Variants in DEUP1 observed in about 807,000 individuals in gnomAD.
DEUP1 encodes deuterosome assembly protein 1.
In DEUP1, 82 loss-of-function variants were observed where a neutral mutation model predicts 87.4. That is an observed-to-expected ratio of 0.94 (90% CI 0.78 to 1.13). DEUP1 has a LOEUF of 1.13. DEUP1 is among the 50% of genes most tolerant of loss of function. The pLI is 0.00. For synonymous variants in DEUP1, 214 were observed against 222.7 expected (o/e 0.96, Z 0.35); for missense variants, 663 against 681.5 (o/e 0.97, Z 0.30).
At chr11:93,361,465 T>A (rs922415597) in intron 4 of DEUP1, among the ~76,000 whole-genome samples, 1 of 152,196 alleles carries the variant, frequency 6.6e-6, no homozygotes. Flanking sequence ...TTTCAGTATA[T>A]GTACAGGAAA....
chr11:93,349,900 G>A (rs1192862422), intron 2 of DEUP1, among the ~76,000 whole-genome samples: 1 of 152,178 alleles, frequency 6.6e-6, no homozygotes, highest in African/African-American at 2.4e-5. Context: ...GGGAGGCAGA[G>A]GAGTGGGAAA....
chr11:93,334,300 A>G (rs1045508127), intron 2 of DEUP1, among the ~76,000 whole-genome samples: 4 of 152,204 alleles, frequency 2.6e-5, no homozygotes, highest in Non-Finnish European at 5.9e-5. Flanking sequence ...CATGTCATCT[A>G]CATATACAGT....
intron 8 of DEUP1, among the ~76,000 whole-genome samples, chr11:93,388,707 A>G (rs1946668557): frequency 6.6e-6 from 1 of 152,166 alleles, no homozygotes. Context: ...CTATTTTATT[A>G]TAGCATACAG....
chr11:93,360,324 G>A (rs1945106452), intron 4 of DEUP1, among the ~76,000 whole-genome samples: 1 of 152,130 alleles, frequency 6.6e-6, no homozygotes, highest in Non-Finnish European at 1.5e-5. Context: ...ATTGTCAGAG[G>A]AGGACTGCTA....
chr11:93,407,600 C>T (rs1266784079), intron 11 of DEUP1, among the ~76,000 whole-genome samples: 9 of 152,058 alleles, frequency 5.9e-5, no homozygotes, highest in Admixed American at 5.9e-4. Flanking sequence ...GCAGTTATCA[C>T]TGAGTGTTGG....
At chr11:93,428,145 T>C (rs1405570664) in intron 13 of DEUP1, among the ~76,000 whole-genome samples, 3 of 151,946 alleles carry the variant, frequency 2.0e-5, no homozygotes, top group Non-Finnish European at 4.4e-5. Flanking sequence ...CACATGCACA[T>C]GTATGTTTAT....
At chr11:93,395,258 T>C (rs952080344) in intron 10 of DEUP1, among the ~76,000 whole-genome samples, 1 of 152,190 alleles carries the variant, frequency 6.6e-6, no homozygotes, top group Non-Finnish European at 1.5e-5. Flanking sequence ...CCTCCATCCC[T>C]TACTCATGAT....
intron 8 of DEUP1, among the ~76,000 whole-genome samples, chr11:93,387,197 C>G (rs1019211127): frequency 9.2e-5 from 14 of 152,082 alleles, no homozygotes; most frequent in Non-Finnish European, 1.6e-4. Flanking sequence ...TTTTAGAATT[C>G]TTAGCCTTCA....
At chr11:93,339,435 A>T (rs1343464635) in intron 2 of DEUP1, among the ~76,000 whole-genome samples, 3 of 152,274 alleles carry the variant, frequency 2.0e-5, no homozygotes, top group Non-Finnish European at 4.4e-5. Flanking sequence ...TGCTAATCTT[A>T]TAAATCTTCA....
At chr11:93,402,988 A>T (rs1947167995) in intron 11 of DEUP1, among the ~76,000 whole-genome samples, 1 of 152,008 alleles carries the variant, frequency 6.6e-6, no homozygotes, top group Non-Finnish European at 1.5e-5. Context: ...TACATTTCAA[A>T]ATAGCCAAAA....
intron 13 of DEUP1, among the ~76,000 whole-genome samples, chr11:93,427,447 T>C (rs1285761289): frequency 4.6e-5 from 7 of 152,230 alleles, no homozygotes; most frequent in Non-Finnish European, 8.8e-5. Flanking sequence ...ACTGCATCCC[T>C]TCCTTACACC....
upstream of DEUP1, chr11:93,330,094 TACAAGCTGATGCTGTTATCACC>T (rs1300235569): frequency 5.3e-5 from 8 of 152,230 alleles, no homozygotes; most frequent in African/African-American, 1.7e-4. Context: ...GAAAGTCAGG[TACAAGCTGATGCTGTTATCACC>T]ACAGGAACCA....
rs145720355 is a variant in DEUP1 at position 93,358,987 on chromosome 11, TG to T, written c.297+1945del. On this transcript the variant is annotated intron_variant, in intron 4 of 13. Transcript: ENST00000298050. ...ATTGTTGAGAGCCACCTATTTTCAC[TG>T]CAGTTTTCTGCTTCTCTTTTTCTCT... is the stretch of plus-strand genomic sequence containing the variant. 4.5e-3 allele frequency among the ~76,000 whole-genome samples: 682 copies of T among 152,278 alleles called. 5 individuals are homozygous for T. Among genetic ancestry groups the T allele is most frequent in the South Asian group, 0.014 (65 of 4,812 alleles).
At chr11:93,330,699 G>T, upstream of DEUP1, 1 of 153,076 alleles carries the variant, frequency 6.5e-6, no homozygotes, top group South Asian at 1.8e-4. Context: ...GGGCGGGCCT[G>T]GCGGGGCGGG....
At chr11:93,349,576 T>C (rs1259098030) in intron 2 of DEUP1, among the ~76,000 whole-genome samples, 1 of 101,404 alleles carries the variant, frequency 9.9e-6, no homozygotes, top group African/African-American at 3.6e-5. Flanking sequence ...GTTTCAAGGA[T>C]GAAATTGACA....
intron 13 of DEUP1, among the ~76,000 whole-genome samples, chr11:93,432,122 C>G (rs868700091): frequency 2.2e-4 from 33 of 152,022 alleles, no homozygotes; most frequent in African/African-American, 6.8e-4. Context: ...AGAAATCATC[C>G]CAATACAAAG....
In DEUP1 at chr11:93,437,743, TCCCCCCC is replaced by T; in HGVS notation, c.*27_*33del. 2.2e-6 allele frequency: 2 copies of T among 927,220 alleles called. No individual in the cohort carries two copies. The highest frequency in any genetic ancestry group is 3.2e-6 in the Non-Finnish European group (2 of 624,586). 57.4% of individuals were successfully genotyped at this position (927,220 alleles called of 1,614,324 possible). A position where few individuals can be genotyped will look rare whatever the true frequency, so the allele number is the denominator to read the frequency against. Reference sequence around the variant, plus strand: ...GAGCTTTTAAACTTTTTTATTTGCTTCCCCCCCCCACCCCCGCCAAGAAAAAAAGCTC... The same window carrying T: ...GAGCTTTTAAACTTTTTTATTTGCTTCCACCCCCGCCAAGAAAAAAAGCTC... On this transcript the variant is annotated 3_prime_UTR_variant, in exon 14 of 14. Transcript: ENST00000298050.
At chr11:93,377,943 C>T (rs9804603) in intron 7 of DEUP1, among the ~76,000 whole-genome samples, 37,542 of 151,630 alleles carry the variant, frequency 0.25, 4,926 homozygotes, top group South Asian at 0.38. Context: ...CAATCCCTTT[C>T]AGCTTGTAGG....
chr11:93,378,609 C>T (rs1380304427), intron 7 of DEUP1, among the ~76,000 whole-genome samples: 2 of 152,008 alleles, frequency 1.3e-5, no homozygotes, highest in East Asian at 3.9e-4. Context: ...TGATCCATTG[C>T]TGGCGAGCTA....
Sources: gnomAD v4.1 joint callset for allele counts (sites outside exome capture counted in the v4.1 genomes callset) on GRCh38, gnomAD v4.1.1 for gene constraint, MANE v1.5 for transcripts, NCBI Gene and HGNC (gene_info 2026-07-23, HGNC 2026-07-21) for gene names.